The following PLB1 variants were observed in gnomAD, a reference collection of about 807,000 sequenced individuals.
The protein encoded by PLB1 is phospholipase B1.
Under a neutral mutation model 227.4 loss-of-function variants are expected in PLB1, and 242 were observed. The observed-to-expected ratio is 1.06, with a 90% CI of 0.96 to 1.18. The LOEUF (loss-of-function observed/expected upper bound fraction) is 1.18. Among genes scored for constraint, PLB1 ranks in the 50% most tolerant of loss-of-function variants. The probability of loss-of-function intolerance (pLI) is 0.00; values close to 1 mark genes in which losing one functional copy is unlikely to be tolerated. For missense variants in PLB1, 1,858 were observed against 1,816.3 expected, an observed-to-expected ratio of 1.02 and a Z score of -0.42; for synonymous variants, 757 against 682.2, an observed-to-expected ratio of 1.11 and a Z score of -1.71.
At chr2:28,496,636 A>G (rs750923458) in intron 1 of PLB1, among the ~76,000 whole-genome samples, 21 of 152,334 alleles carry the variant, frequency 1.4e-4, no homozygotes, top group Admixed American at 2.6e-4. Context: ...GATAAATTCT[A>G]AAAGATTGCC....
intron 21 of PLB1, among the ~76,000 whole-genome samples, chr2:28,575,920 G>A (rs2148260038): frequency 6.6e-6 from 1 of 152,278 alleles, no homozygotes; most frequent in South Asian, 2.1e-4. Flanking sequence ...TTAAAAGGCT[G>A]CAGGTTTACT....
rs1680143589 is a variant in PLB1 at position 28,582,192 on chromosome 2, C to T, written c.1632+59C>T. 1.2e-5 allele frequency: 18 copies of T among 1,549,830 alleles called. 1 individual carries two copies. The South Asian group carries it at 2.0e-4, about 17-fold the overall frequency. ...GACCTCAGACCTAGCCTAGAGGAAG[C>T]TCTGGCATCCTGCTGAGACCTCCTT... On this transcript the variant is annotated intron_variant, in intron 24 of 57. Coordinates refer to ENST00000327757, the MANE Select transcript of PLB1 (RefSeq NM_153021.5).
At chr2:28,634,624 C>T (rs1247495278) in intron 56 of PLB1, among the ~76,000 whole-genome samples, 1 of 152,168 alleles carries the variant, frequency 6.6e-6, no homozygotes, top group Non-Finnish European at 1.5e-5. Flanking sequence ...CAATGTAGCT[C>T]TGGCCAGGCA....
chr2:28,582,575 A>T (rs1484118037), intron 25 of PLB1, 70 bp downstream of exon 25: 1 of 1,242,230 alleles, frequency 8.1e-7, no homozygotes, highest in Non-Finnish European at 1.1e-6. Flanking sequence ...CCCTTAGCAA[A>T]TTCCTTAGAA....
At chr2:28,551,837 A>G (rs7598742) in intron 16 of PLB1, among the ~76,000 whole-genome samples, 1 of 152,160 alleles carries the variant, frequency 6.6e-6, no homozygotes, top group Non-Finnish European at 1.5e-5. Flanking sequence ...AAGTATTGCT[A>G]TCATTATCAT....
intron 50 of PLB1, among the ~76,000 whole-genome samples, 165 bp downstream of exon 50, chr2:28,625,273 C>T (rs74676603): frequency 4.9e-4 from 75 of 152,322 alleles, no homozygotes; most frequent in African/African-American, 1.7e-3. Context: ...GCCCTGGCCA[C>T]ACTCCTAGAC....
At chr2:28,520,939 C>T (rs1030702890) in intron 4 of PLB1, among the ~76,000 whole-genome samples, 3 of 152,150 alleles carry the variant, frequency 2.0e-5, no homozygotes, top group Non-Finnish European at 4.4e-5. Flanking sequence ...CATGCCATTG[C>T]ACTCCGGCCT....
chr2:28,512,194 C>T (rs112465260), intron 1 of PLB1, among the ~76,000 whole-genome samples: 29 of 150,560 alleles, frequency 1.9e-4, no homozygotes, highest in African/African-American at 7.1e-4. Context: ...CTTTTTTCCT[C>T]TGTATTTTTT....
At chr2:28,591,889 G>A (rs1392728365) in intron 31 of PLB1, 129 bp downstream of exon 31, 2 of 933,048 alleles carry the variant, frequency 2.1e-6, no homozygotes, top group African/African-American at 1.6e-5. Context: ...GTCTGCCTGG[G>A]TGGTCACCTG....
chr2:28,585,710 C>T (rs1292112371), intron 25 of PLB1, 51 bp from the exon 26 acceptor site: 1 of 1,406,560 alleles, frequency 7.1e-7, no homozygotes, highest in Admixed American at 1.7e-5. Flanking sequence ...ATCACTTATT[C>T]AGGATGGTGA....
intron 42 of PLB1, among the ~76,000 whole-genome samples, chr2:28,606,161 A>T (rs1351434994): frequency 1.3e-5 from 2 of 151,996 alleles, no homozygotes; most frequent in African/African-American, 4.8e-5. Context: ...CTGAGGAGGG[A>T]CCTCTCTACA....
intron 3 of PLB1, among the ~76,000 whole-genome samples, chr2:28,519,253 G>A (rs1306837864): frequency 1.3e-5 from 2 of 152,154 alleles, no homozygotes; most frequent in Non-Finnish European, 2.9e-5. Context: ...GTGGATATGT[G>A]TTCACAGGCT....
chr2:28,633,078 G>C, intron 56 of PLB1, 39 bp downstream of exon 56: 1 of 1,530,410 alleles, frequency 6.5e-7, no homozygotes, highest in Non-Finnish European at 9.0e-7. Flanking sequence ...GTCAAGGGGG[G>C]ATCTAAGGAT....
chr2:28,612,067 A>G (rs1685529025), intron 43 of PLB1, among the ~76,000 whole-genome samples: 1 of 152,122 alleles, frequency 6.6e-6, no homozygotes, highest in South Asian at 2.1e-4. Flanking sequence ...AATGGCATGA[A>G]CCCAGAAGGC....
At chr2:28,521,313 A>G (rs1260961643) in intron 4 of PLB1, among the ~76,000 whole-genome samples, 10 of 152,362 alleles carry the variant, frequency 6.6e-5, no homozygotes, top group Admixed American at 2.6e-4. Context: ...TTGCTGGACC[A>G]TATAGTAATT....
In PLB1 at chr2:28,629,075, C is replaced by T. The variant is rs1688231389; in HGVS notation, c.3727-19C>T. The T allele has an allele frequency of 6.2e-7, 1 of 1,608,778 alleles. No homozygotes were observed. Among genetic ancestry groups the T allele is most frequent in the Non-Finnish European group, 8.5e-7 (1 of 1,177,224 alleles). ...GCAGTAGCCAGTGCCCTAACGAAAC[C>T]ACCCTCCACTCCCTGCAGCTCCCAA... On this transcript the variant is annotated intron_variant, in intron 52 of 57. Transcript: ENST00000327757.
At chr2:28,501,789 C>A (rs980920467) in intron 1 of PLB1, among the ~76,000 whole-genome samples, 1 of 152,118 alleles carries the variant, frequency 6.6e-6, no homozygotes, top group African/African-American at 2.4e-5. Flanking sequence ...AATTATACTA[C>A]ATCAGTTCAG....
At chr2:28,591,391 A>G (rs551063751) in intron 30 of PLB1, among the ~76,000 whole-genome samples, 1 of 152,204 alleles carries the variant, frequency 6.6e-6, no homozygotes, top group Admixed American at 6.5e-5. Flanking sequence ...ACTGCGACAT[A>G]AGTGAAGAGA....
intron 14 of PLB1, among the ~76,000 whole-genome samples, chr2:28,546,294 C>G (rs1434873262): frequency 6.6e-6 from 1 of 152,142 alleles, no homozygotes; most frequent in African/African-American, 2.4e-5. Context: ...GAACTGATGT[C>G]CCTGGCCCTC....
Sources: allele counts gnomAD v4.1 joint callset (sites outside exome capture counted in the v4.1 genomes callset), GRCh38; gene constraint gnomAD v4.1.1; transcripts MANE v1.5; gene names NCBI Gene and HGNC (gene_info 2026-07-23, HGNC 2026-07-21).